The following SHANK2 variants were observed in gnomAD, a reference collection of about 807,000 sequenced individuals.
The protein encoded by SHANK2 is SH3 and multiple ankyrin repeat domains 2.
Under a neutral mutation model 133.7 loss-of-function variants are expected in SHANK2, and 43 were observed. The observed-to-expected ratio is 0.32, with a 90% CI of 0.25 to 0.41. The LOEUF (loss-of-function observed/expected upper bound fraction) is 0.41. SHANK2 is among the 10% of genes least tolerant of loss of function. The pLI is 1.00. For missense variants in SHANK2, 1,994 were observed against 2,235.8 expected, an observed-to-expected ratio of 0.89 and a Z score of 2.18; for synonymous variants, 1,017 against 952.8, an observed-to-expected ratio of 1.07 and a Z score of -1.24.
chr11:71,097,980 G>A (rs1350161968), intron 6 of SHANK2, among the ~76,000 whole-genome samples: 4 of 150,990 alleles, frequency 2.6e-5, no homozygotes, highest in African/African-American at 4.9e-5. Context: ...GCATGTGCCT[G>A]TGTGTGCATG....
chr11:71,136,818 G>A (rs1321879529), intron 3 of SHANK2, among the ~76,000 whole-genome samples: 5 of 152,206 alleles, frequency 3.3e-5, no homozygotes, highest in African/African-American at 1.2e-4. Context: ...GGATGGTGGT[G>A]ACAGGTGCAC....
chr11:70,778,974 A>G (rs1555044532), intron 14 of SHANK2, among the ~76,000 whole-genome samples: 1 of 151,978 alleles, frequency 6.6e-6, no homozygotes, highest in African/African-American at 2.4e-5. Context: ...GGCTGTGGAG[A>G]AAAAAAGGAC....
At chr11:70,910,289 T>A (rs1402556252) in intron 10 of SHANK2, among the ~76,000 whole-genome samples, 1 of 152,306 alleles carries the variant, frequency 6.6e-6, no homozygotes, top group East Asian at 1.9e-4. Context: ...TTTGCCTTCC[T>A]CAGGGACACC....
At chr11:71,057,863 T>C (rs1434241335) in intron 9 of SHANK2, among the ~76,000 whole-genome samples, 4 of 151,336 alleles carry the variant, frequency 2.6e-5, no homozygotes, top group Admixed American at 6.6e-5. Context: ...ATTCTTTTTT[T>C]TTTAATATGT....
intron 10 of SHANK2, among the ~76,000 whole-genome samples, chr11:70,915,675 T>G (rs532101299): frequency 9.9e-5 from 15 of 152,142 alleles, no homozygotes; most frequent in African/African-American, 3.4e-4. Context: ...ATAAGAGAAT[T>G]CACAGGAGCC....
chr11:70,681,721 G>A (rs942135766), intron 15 of SHANK2, among the ~76,000 whole-genome samples: 3 of 152,128 alleles, frequency 2.0e-5, no homozygotes, highest in Non-Finnish European at 4.4e-5. Flanking sequence ...GGTTTGGGAG[G>A]CGACCCAAGC....
At position 70,820,550 on chromosome 11, in the gene SHANK2, C is replaced by T; in HGVS notation, c.1307G>A (p.Cys436Tyr). The part of the protein sequence containing the change: ...LNASAPDWAV[C>Y]STATSHRSLS... ...GCTGCGGTGCGAGGTGGCCGTGGAG[C>T]AGACGGCCCAGTCGGGAGCGCTGGC... Residue 436 changes from cysteine to tyrosine, a missense_variant, in exon 12 of 26, where the codon TGC (cysteine) becomes TAC (tyrosine). Physicochemically the swap from Cys to Tyr is radical, Grantham distance 194. Transcript: ENST00000601538. 1 of 717,040 alleles carries T rather than the reference C, an allele frequency of 1.4e-6. No individual in the cohort carries two copies. Among genetic ancestry groups the T allele is most frequent in the Middle Eastern group, 2.3e-4 (1 of 4,362 alleles). The allele number at this position is 717,040 out of a possible 1,614,324, so 44.4% of individuals were successfully genotyped here. A position where few individuals can be genotyped will look rare whatever the true frequency, so the allele number is the denominator to read the frequency against.
chr11:70,556,833 C>T (rs1554979758), intron 17 of SHANK2, among the ~76,000 whole-genome samples: 3 of 152,104 alleles, frequency 2.0e-5, no homozygotes, highest in African/African-American at 7.2e-5. Flanking sequence ...CTCAAGTGAT[C>T]CGCCCGCCTT....
At chr11:70,702,319 T>TCATCACAATCAC (rs1565253490) in intron 14 of SHANK2, among the ~76,000 whole-genome samples, 1 of 148,428 alleles carries the variant, frequency 6.7e-6, no homozygotes, top group Non-Finnish European at 1.5e-5. Flanking sequence ...ACAATCACCA[T>TCATCACAATCAC]CATCACCATC....
intron 2 of SHANK2, among the ~76,000 whole-genome samples, chr11:71,165,565 T>C (rs549671703): frequency 1.5e-4 from 23 of 152,182 alleles, no homozygotes; most frequent in African/African-American, 5.5e-4. Flanking sequence ...GGGAAGGCTG[T>C]TGTCGCTTCT....
intron 17 of SHANK2, among the ~76,000 whole-genome samples, chr11:70,659,625 G>A (rs557148423): frequency 2.6e-5 from 4 of 152,200 alleles, no homozygotes; most frequent in East Asian, 1.9e-4. Context: ...AACGGGTTAC[G>A]GCCAAGGCCT....
intron 2 of SHANK2, among the ~76,000 whole-genome samples, chr11:71,181,167 C>A (rs1287933507): frequency 6.6e-6 from 1 of 152,044 alleles, no homozygotes; most frequent in Non-Finnish European, 1.5e-5. Context: ...CAAGAAGGCC[C>A]AGGAACGGAA....
chr11:71,203,640 T>A (rs59127748), intron 2 of SHANK2, among the ~76,000 whole-genome samples: 37,712 of 152,128 alleles, frequency 0.25, 5,433 homozygotes, highest in East Asian at 0.42. Flanking sequence ...CTTACCCAGC[T>A]CATGGGAGAT....
intron 21 of SHANK2, among the ~76,000 whole-genome samples, chr11:70,498,951 A>C (rs1402615370): frequency 6.6e-6 from 1 of 152,228 alleles, no homozygotes; most frequent in Non-Finnish European, 1.5e-5. Context: ...TTTCCAAATA[A>C]GGTCCCATTC....
At chr11:70,918,749 G>A (rs1555080278) in intron 10 of SHANK2, among the ~76,000 whole-genome samples, 2 of 152,114 alleles carry the variant, frequency 1.3e-5, no homozygotes, top group Non-Finnish European at 2.9e-5. Flanking sequence ...CAAGTGATCT[G>A]CCTGCCTCAG....
chr11:70,600,069 C>T (rs2060471972), intron 17 of SHANK2, among the ~76,000 whole-genome samples: 1 of 152,072 alleles, frequency 6.6e-6, no homozygotes, highest in African/African-American at 2.4e-5. Context: ...TAACCAAAAT[C>T]CCAATAGGGT....
At chr11:70,696,889 G>A (rs1945403251) in intron 15 of SHANK2, among the ~76,000 whole-genome samples, 1 of 152,204 alleles carries the variant, frequency 6.6e-6, no homozygotes, top group Non-Finnish European at 1.5e-5. Flanking sequence ...AAAGGGATGA[G>A]CAAAATGTGG....
intron 11 of SHANK2, among the ~76,000 whole-genome samples, chr11:70,879,518 C>G (rs557566654): frequency 6.6e-6 from 1 of 152,146 alleles, no homozygotes; most frequent in Non-Finnish European, 1.5e-5. Flanking sequence ...CGTGGCTGGT[C>G]CAAGACCACA....
chr11:70,573,795 T>C (rs1199549804), intron 17 of SHANK2, among the ~76,000 whole-genome samples: 1 of 152,196 alleles, frequency 6.6e-6, no homozygotes. Context: ...GCCACTTTTA[T>C]GTTCTGTCTG....
Sources: allele counts gnomAD v4.1 joint callset (sites outside exome capture counted in the v4.1 genomes callset), GRCh38; gene constraint gnomAD v4.1.1; transcripts MANE v1.5; gene names NCBI Gene and HGNC (gene_info 2026-07-23, HGNC 2026-07-21).